TSPAN19: variants seen among roughly 807,000 people sequenced by gnomAD.
TSPAN19 encodes the protein tetraspanin 19.
In TSPAN19, 44 loss-of-function variants were observed where a neutral mutation model predicts 35.1. That is an observed-to-expected ratio of 1.25 (90% CI 0.98 to 1.61). The LOEUF is 1.61. Ranked by LOEUF, TSPAN19 falls within the 40% of genes most tolerant of loss-of-function variation. The pLI is 0.00. For synonymous variants in TSPAN19, 79 were observed against 92.0 expected (o/e 0.86, Z 0.81); for missense variants, 290 against 280.0 (o/e 1.04, Z -0.26).
chr12:85,035,877 T>G (rs192791942), intron 1 of TSPAN19, among the ~76,000 whole-genome samples: 20 of 152,218 alleles, frequency 1.3e-4, no homozygotes, highest in African/African-American at 3.8e-4. Context: ...TCCCTTCAGT[T>G]AGAGGTTTTT....
At chr12:85,033,784 C>A (rs1366207052) in intron 1 of TSPAN19, among the ~76,000 whole-genome samples, 1 of 152,068 alleles carries the variant, frequency 6.6e-6, no homozygotes, top group Non-Finnish European at 1.5e-5. Context: ...TTCCCAAGCC[C>A]CAGTATCATC....
At chr12:85,017,175 C>G (rs975770372) in intron 7 of TSPAN19, 16 of 309,432 alleles carry the variant, frequency 5.2e-5, no homozygotes, top group Non-Finnish European at 9.4e-5. Context: ...TTCTGCAGGA[C>G]TTCTCAAGGA....
intron 1 of TSPAN19, chr12:85,035,265 A>C (rs763012208): frequency 3.9e-5 from 6 of 152,132 alleles, no homozygotes; most frequent in African/African-American, 1.4e-4. Context: ...CTCTAAAAAA[A>C]CAATAAAAAA....
chr12:85,024,856 A>G (rs1433696408), intron 4 of TSPAN19: 1 of 152,022 alleles, frequency 6.6e-6, no homozygotes, highest in Non-Finnish European at 1.5e-5. Flanking sequence ...AAATATAAGT[A>G]CTAATGATTT....
At chr12:85,017,673 G>A in intron 6 of TSPAN19, 74 bp from the exon 7 acceptor site, 1 of 1,160,858 alleles carries the variant, frequency 8.6e-7, no homozygotes, top group Admixed American at 3.2e-5. Flanking sequence ...TAATATTGAA[G>A]TGGTTTTTGT....
chr12:85,015,993 G>A, intron 7 of TSPAN19, 22 bp from the exon 8 acceptor site: 1 of 1,363,326 alleles, frequency 7.3e-7, no homozygotes, highest in South Asian at 1.4e-5. Flanking sequence ...AAGTTATTCA[G>A]ATGGACATGG....
In TSPAN19 at chr12:85,015,938, C is replaced by T; in HGVS notation, c.628G>A (p.Val210Ile). Residue 210 changes from valine to isoleucine, a missense_variant, in exon 8 of 9, where the codon GTT (valine) becomes ATT (isoleucine). Physicochemically the swap from Val to Ile is conservative, Grantham distance 29. Transcript: ENST00000532498. ...ATTCCGATTAAGGTTAACACATTAA[C>T]ATTATACCATGCACTGATTTTATTT... ...CENKISAWYN[V>I]NVLTLIGINF... 1.3e-6 allele frequency: 2 copies of T among 1,549,874 alleles called. No individual in the cohort carries two copies. The highest frequency in any genetic ancestry group is 1.7e-6 in the Non-Finnish European group (2 of 1,146,230).
At chr12:85,019,232 A>T (rs188162787) in intron 6 of TSPAN19, among the ~76,000 whole-genome samples, 24 of 152,024 alleles carry the variant, frequency 1.6e-4, no homozygotes, top group Admixed American at 1.1e-3. Context: ...TAAGAGGGTT[A>T]CTTGTCCAGA....
intron 4 of TSPAN19, chr12:85,024,738 C>T: frequency 6.7e-6 from 1 of 149,500 alleles, no homozygotes. Flanking sequence ...GATCGTGCCA[C>T]TGCACTCCAG....
intron 1 of TSPAN19, among the ~76,000 whole-genome samples, chr12:85,030,696 A>AT (rs1877644608): frequency 1.3e-5 from 2 of 152,296 alleles, no homozygotes; most frequent in Non-Finnish European, 2.9e-5. Context: ...TATGCAGTAT[A>AT]TAAAAAAACT....
In TSPAN19 at chr12:85,015,955, A is replaced by G. The variant is rs1471511659; in HGVS notation, c.611T>C (p.Ile204Thr). 1.9e-6 allele frequency: 3 copies of G among 1,544,110 alleles called. No homozygotes were observed. The highest frequency in any genetic ancestry group is 1.7e-6 in the Non-Finnish European group (2 of 1,143,502). The part of the protein sequence containing the change: ...ATYLEGCENK[I>T]SAWYNVNVLT... Reference sequence around the variant, plus strand: ...CACATTAACATTATACCATGCACTGATTTTATTTTCACAACCCTAAGAAAA... The same window carrying G: ...CACATTAACATTATACCATGCACTGGTTTTATTTTCACAACCCTAAGAAAA... Residue 204 changes from isoleucine (I) to threonine (T), a missense_variant, in exon 8 of 9, where the codon ATC becomes ACC. Ile to Thr is a moderately conservative substitution (Grantham distance 89). Coordinates refer to ENST00000532498, the MANE Select transcript of TSPAN19 (RefSeq NM_001100917.2).
intron 8 of TSPAN19, 105 bp from the exon 9 acceptor site, chr12:85,014,660 A>G: frequency 1.3e-6 from 1 of 784,344 alleles, no homozygotes; most frequent in Non-Finnish European, 2.0e-6. Context: ...TAAAGGGAAA[A>G]GGGATCAAAA....
chr12:85,020,428 C>T (rs1362775797), intron 5 of TSPAN19, among the ~76,000 whole-genome samples: 1 of 151,748 alleles, frequency 6.6e-6, no homozygotes, highest in African/African-American at 2.4e-5. Context: ...TATATTTCTA[C>T]AAAAGTTATG....
chr12:85,033,836 T>C (rs1356707244), intron 1 of TSPAN19, among the ~76,000 whole-genome samples: 1 of 152,068 alleles, frequency 6.6e-6, no homozygotes, highest in Non-Finnish European at 1.5e-5. Flanking sequence ...CTCAAAGAGA[T>C]GTTGTGAAAA....
chr12:85,020,698 C>T (rs189703659), intron 5 of TSPAN19, among the ~76,000 whole-genome samples: 50 of 152,078 alleles, frequency 3.3e-4, no homozygotes, highest in African/African-American at 1.2e-3. Flanking sequence ...ATGCAGAAGC[C>T]AAGAAGCATC....
intron 5 of TSPAN19, among the ~76,000 whole-genome samples, chr12:85,022,855 C>T (rs1452870975): frequency 1.3e-5 from 2 of 152,030 alleles, no homozygotes; most frequent in African/African-American, 2.4e-5. Context: ...AAATCTTGCT[C>T]TAATTAATCA....
At chr12:85,032,054 G>T (rs973539791) in intron 1 of TSPAN19, among the ~76,000 whole-genome samples, 3 of 152,060 alleles carry the variant, frequency 2.0e-5, no homozygotes, top group African/African-American at 4.8e-5. Flanking sequence ...GAAAATAAAA[G>T]AATAATGGTA....
chr12:85,023,996 T>C (rs187446804), intron 4 of TSPAN19, among the ~76,000 whole-genome samples: 1 of 152,160 alleles, frequency 6.6e-6, no homozygotes, highest in Non-Finnish European at 1.5e-5. Context: ...AAGAAAATTA[T>C]CTCTAAATAT....
In TSPAN19 at chr12:85,017,755, A is replaced by G. The variant is rs527816241; in HGVS notation, c.451-156T>C. Among the ~76,000 whole-genome samples the G allele has an allele frequency of 1.1e-4, 17 of 152,000 alleles. No homozygotes were observed. In the South Asian group the frequency reaches 3.5e-3, roughly 31 times the overall value. On this transcript the variant is annotated intron_variant, in intron 6 of 8. Transcript: ENST00000532498. ...AAATAAGTATATCTGTGCTTGTTTAATTCATTACTTTGTTTCTGCTATTAT... is the reference window on the plus strand; with the variant it reads ...AAATAAGTATATCTGTGCTTGTTTAGTTCATTACTTTGTTTCTGCTATTAT...
Sources: allele counts gnomAD v4.1 joint callset (sites outside exome capture counted in the v4.1 genomes callset), GRCh38; gene constraint gnomAD v4.1.1; transcripts MANE v1.5; gene names NCBI Gene and HGNC (gene_info 2026-07-23, HGNC 2026-07-21).